CA10: variants seen among roughly 807,000 people sequenced by gnomAD.
The protein encoded by CA10 is carbonic anhydrase-related protein 10.
CA10 carries 14 observed loss-of-function variants against 44.2 expected under a neutral mutation model. The observed-to-expected ratio is 0.32, with a 90% CI of 0.21 to 0.50. CA10 has a LOEUF of 0.50. Ranked by LOEUF, CA10 falls within the 20% of genes least tolerant of loss-of-function variation. The pLI is 0.99. For missense variants in CA10, 350 were observed against 409.7 expected (o/e 0.85, Z 1.26); for synonymous variants, 159 against 141.6 (o/e 1.12, Z -0.87).
chr17:51,798,573 G>T (rs1004775965), intron 3 of CA10, among the ~76,000 whole-genome samples: 8 of 152,230 alleles, frequency 5.3e-5, no homozygotes, highest in Non-Finnish European at 8.8e-5. Context: ...ACTGTGCCAG[G>T]CATAGTGAAA....
chr17:51,717,676 T>TATATATACATGTATATAC (rs1226736618), intron 4 of CA10, among the ~76,000 whole-genome samples: 1 of 89,516 alleles, frequency 1.1e-5, no homozygotes, highest in African/African-American at 4.8e-5. Flanking sequence ...CATGTATATA[T>TATATATACATGTATATAC]GTATATATGT....
rs149693707 is a variant in CA10 at position 51,929,132 on chromosome 17, A to G, written c.279+1858T>C. On this transcript the variant is annotated intron_variant, in intron 3 of 8. Transcript: ENST00000451037. ...AAAAAATATCTCTAAAACAAAAAAA[A>G]ACCCAAGTCATAACATGTGAGTGAT... 8.3e-4 allele frequency among the ~76,000 whole-genome samples: 127 copies of G among 152,300 alleles called. 3 individuals carry two copies. The East Asian group carries it at 0.021, about 25-fold the overall frequency.
intron 1 of CA10, among the ~76,000 whole-genome samples, chr17:52,102,466 A>G (rs917349945): frequency 9.2e-5 from 14 of 152,238 alleles, no homozygotes; most frequent in African/African-American, 3.4e-4. Flanking sequence ...CGCAACCACA[A>G]GTGGAACTTA....
intron 4 of CA10, among the ~76,000 whole-genome samples, chr17:51,720,898 C>T (rs1347561688): frequency 1.3e-5 from 2 of 152,126 alleles, no homozygotes; most frequent in African/African-American, 4.8e-5. Context: ...AGATTGTTAA[C>T]ATTCTCACCA....
chr17:52,027,560 A>T (rs1290197040), intron 2 of CA10, among the ~76,000 whole-genome samples: 1 of 152,154 alleles, frequency 6.6e-6, no homozygotes, highest in Non-Finnish European at 1.5e-5. Flanking sequence ...CGACATGCAC[A>T]TAGAAATTAC....
intron 3 of CA10, among the ~76,000 whole-genome samples, chr17:51,897,000 T>C (rs1189238914): frequency 9.2e-5 from 14 of 152,160 alleles, no homozygotes; most frequent in African/African-American, 2.7e-4. Context: ...TTTGCAAATA[T>C]TTTCTCCTAT....
intron 1 of CA10, among the ~76,000 whole-genome samples, chr17:52,157,174 G>C (rs1004706075): frequency 2.0e-5 from 3 of 152,176 alleles, no homozygotes; most frequent in African/African-American, 7.2e-5. Flanking sequence ...GGGGGTAGAG[G>C]AGGGTGTGTC....
intron 3 of CA10, among the ~76,000 whole-genome samples, chr17:51,919,047 G>T (rs1170449678): frequency 1.3e-5 from 2 of 152,200 alleles, no homozygotes; most frequent in African/African-American, 4.8e-5. Context: ...CAGTTTTTCA[G>T]TTTTAATTTG....
chr17:52,013,435 T>C (rs922335686), intron 2 of CA10, among the ~76,000 whole-genome samples: 1 of 151,336 alleles, frequency 6.6e-6, no homozygotes. Context: ...AAAATGAAAA[T>C]TATAAGAATA....
At chr17:51,909,871 C>A (rs918351909) in intron 3 of CA10, among the ~76,000 whole-genome samples, 4 of 152,134 alleles carry the variant, frequency 2.6e-5, no homozygotes, top group African/African-American at 9.7e-5. Flanking sequence ...ATCCCATAAC[C>A]ACCTTCTCTA....
At chr17:51,643,312 T>C (rs963623901) in intron 6 of CA10, among the ~76,000 whole-genome samples, 2 of 152,192 alleles carry the variant, frequency 1.3e-5, no homozygotes, top group African/African-American at 2.4e-5. Context: ...TTAGCCTTAT[T>C]CCAATACACT....
At chr17:51,869,100 A>G (rs919328896) in intron 3 of CA10, among the ~76,000 whole-genome samples, 14 of 152,102 alleles carry the variant, frequency 9.2e-5, no homozygotes, top group African/African-American at 3.4e-4. Context: ...TTATATATAA[A>G]TTATCAGGGG....
chr17:52,149,025 C>T (rs1751310788), intron 1 of CA10, among the ~76,000 whole-genome samples: 1 of 152,146 alleles, frequency 6.6e-6, no homozygotes, highest in African/African-American at 2.4e-5. Flanking sequence ...GCCTATGCTC[C>T]CTCAATAATT....
chr17:51,889,680 T>G (rs543555963), intron 3 of CA10, among the ~76,000 whole-genome samples: 25 of 152,298 alleles, frequency 1.6e-4, no homozygotes, highest in African/African-American at 5.5e-4. Flanking sequence ...CTTGCCTACA[T>G]TATAATTAAA....
At chr17:51,916,508 T>G (rs1487985477) in intron 3 of CA10, among the ~76,000 whole-genome samples, 1 of 152,138 alleles carries the variant, frequency 6.6e-6, no homozygotes, top group Non-Finnish European at 1.5e-5. Context: ...GTAAGTTTCA[T>G]GAGATCTGAT....
At chr17:51,706,217 G>A (rs1299873799) in intron 4 of CA10, among the ~76,000 whole-genome samples, 1 of 152,216 alleles carries the variant, frequency 6.6e-6, no homozygotes, top group African/African-American at 2.4e-5. Context: ...CCTACACTCA[G>A]TGCTCTTAAG....
intron 3 of CA10, among the ~76,000 whole-genome samples, chr17:51,927,359 G>A (rs1247608533): frequency 3.3e-5 from 5 of 152,014 alleles, no homozygotes; most frequent in Non-Finnish European, 5.9e-5. Context: ...TGATAGAATC[G>A]GCAAGTGGGT....
At chr17:51,878,814 C>A (rs1980204864) in intron 3 of CA10, among the ~76,000 whole-genome samples, 1 of 110,064 alleles carries the variant, frequency 9.1e-6, no homozygotes, top group Admixed American at 1.1e-4. Context: ...AACTCTTTTT[C>A]AATTTTTTCA....
intron 3 of CA10, among the ~76,000 whole-genome samples, chr17:51,875,675 A>G (rs1286716498): frequency 6.6e-6 from 1 of 151,780 alleles, no homozygotes; most frequent in Non-Finnish European, 1.5e-5. Flanking sequence ...TTATATTACT[A>G]AAGTTTATTT....
Sources: gnomAD v4.1 joint callset for allele counts (sites outside exome capture counted in the v4.1 genomes callset) on GRCh38, gnomAD v4.1.1 for gene constraint, MANE v1.5 for transcripts, NCBI Gene and HGNC (gene_info 2026-07-23, HGNC 2026-07-21) for gene names.